PER1: variants seen among roughly 807,000 people sequenced by gnomAD.
The protein encoded by PER1 is period circadian protein homolog 1.
In PER1, 87 loss-of-function variants were observed where a neutral mutation model predicts 125.9. The ratio of observed to expected loss-of-function variants is 0.69; its 90% CI spans 0.58 to 0.83. PER1 has a LOEUF of 0.83. Ranked by LOEUF, PER1 falls within the 40% of genes least tolerant of loss-of-function variation. The probability of loss-of-function intolerance (pLI) is 0.00; values close to 1 mark genes in which losing one functional copy is unlikely to be tolerated. For synonymous variants in PER1, 801 were observed against 714.7 expected (o/e 1.12, Z -1.93); for missense variants, 1,775 against 1,722.8 (o/e 1.03, Z -0.54).
chr17:8,147,034 CA>C (rs1320541526), intron 13 of PER1, 32 bp from the exon 14 acceptor site: 16 of 1,573,804 alleles, frequency 1.0e-5, no homozygotes, highest in Non-Finnish European at 1.4e-5. Flanking sequence ...TGAGCAGAAC[CA>C]GGGGGTGTCG....
rs540225103 is a variant in PER1, at chr17:8,145,084, A to C, written c.2219-91T>G. On this transcript the variant is annotated intron_variant, in intron 17 of 22. Coordinates refer to ENST00000317276, the MANE Select transcript of PER1 (RefSeq NM_002616.3). ...CCCTCCCTGTCTGATAGCCTAGCCA[A>C]CCCCTGGCAGCTCTGCCCCACAGCC... 3.1e-6 allele frequency: 4 copies of C among 1,304,208 alleles called. No individual in the cohort carries two copies. In the Admixed American group the frequency reaches 8.9e-5, roughly 29 times the overall value. The allele number at this position is 1,304,208 out of a possible 1,614,324, so 80.8% of individuals were successfully genotyped here.
chr17:8,148,815 C>T, intron 7 of PER1, 29 bp from the exon 8 acceptor site: 1 of 1,609,612 alleles, frequency 6.2e-7, no homozygotes, highest in Non-Finnish European at 8.5e-7. Flanking sequence ...GCATTAGGGA[C>T]TTTCAACAGA....
chr17:8,141,666 G>A (rs1462170257), intron 22 of PER1, 139 bp downstream of exon 22: 2 of 1,031,412 alleles, frequency 1.9e-6, no homozygotes, highest in Non-Finnish European at 1.4e-6. Context: ...AGGACATCAA[G>A]GAGATCAGCT....
Position 8,148,215 on chromosome 17 carries a change from T to G in PER1, c.1093A>C (p.Thr365Pro), listed in dbSNP as rs761628756. 6.2e-7 allele frequency: 1 copy of G among 1,614,114 alleles called. No individual in the cohort carries two copies. ...PDKRIFTTRH[T>P]PSCLFQDVDE... ...ACATCCTGGAAGAGGCAGCTGGGTGTGTGCCGCGTAGTGAAAATCCTCTTG... is the reference window on the plus strand; with the variant it reads ...ACATCCTGGAAGAGGCAGCTGGGTGGGTGCCGCGTAGTGAAAATCCTCTTG... The change falls in exon 9 of 23, where the codon ACA becomes CCA. Residue 365 changes from threonine (T) to proline (P), a missense_variant. Coordinates refer to ENST00000317276, the MANE Select transcript of PER1 (RefSeq NM_002616.3).
Position 8,147,166 on chromosome 17 carries a change from C to A in PER1, c.1629+84G>T, listed in dbSNP as rs556631982. On this transcript the variant is annotated intron_variant, in intron 13 of 22. Coordinates refer to ENST00000317276, the MANE Select transcript of PER1 (RefSeq NM_002616.3). ...AAGGAGAGGGCAAAGGAGGATCGGG[C>A]AAGACTCTGGGACTGGCAGTGCTGG... 3 of 1,513,896 alleles carry A rather than the reference C, an allele frequency of 2.0e-6. No individual in the cohort carries two copies. The South Asian group carries it at 3.7e-5, about 19-fold the overall frequency. The allele number at this position is 1,513,896 out of a possible 1,614,324, so 93.8% of individuals were successfully genotyped here.
Position 8,143,526 on chromosome 17 carries a change from C to G in PER1, c.2812G>C (p.Ala938Pro), listed in dbSNP as rs771510158. The G allele has an allele frequency of 6.5e-7, 1 of 1,528,712 alleles. No individual in the cohort carries two copies. Among genetic ancestry groups the G allele is most frequent in the Non-Finnish European group, 8.8e-7 (1 of 1,134,524 alleles). The allele number at this position is 1,528,712 out of a possible 1,614,324, so 94.7% of individuals were successfully genotyped here. ...FPTPSSYPYG[A>P]LQTPAEGPPT... ...GGCCCTTCAGCAGGGGTCTGGAGTG[C>G]CCCATAAGGATAGCTGGATGGGGTT... The change falls in exon 19 of 23, where the codon GCA becomes CCA. Residue 938 changes from alanine to proline, a missense_variant. Ala to Pro is a conservative substitution (Grantham distance 27, BLOSUM62 -1). Transcript: ENST00000317276.
intron 18 of PER1, 192 bp downstream of exon 18, chr17:8,144,559 T>G: frequency 1.6e-5 from 11 of 681,646 alleles, no homozygotes; most frequent in Non-Finnish European, 2.5e-5. Flanking sequence ...GCTGCCCTCC[T>G]CTGGCTGCAG....
At position 8,149,882 on chromosome 17, in the gene PER1, G is replaced by A. The variant is rs1982727030; in HGVS notation, c.530-6C>T. 1.9e-6 allele frequency: 3 copies of A among 1,614,030 alleles called. No homozygotes were observed. Among genetic ancestry groups the A allele is most frequent in the Non-Finnish European group, 8.5e-7 (1 of 1,180,042 alleles). The stretch of plus-strand genomic sequence containing the variant: ...CTGGTAGTATTCCTGGTTGGCTGCA[G>A]AGTGGAGGCAGTGAGGCATTCAGTA... On this transcript the variant is annotated splice_region_variant and splice_polypyrimidine_tract_variant and intron_variant, in intron 4 of 22. Coordinates refer to ENST00000317276, the MANE Select transcript of PER1 (RefSeq NM_002616.3).
chr17:8,140,857 T>C lies in PER1; in HGVS notation c.*211A>G. The stretch of plus-strand genomic sequence containing the variant: ...CCAAAGGTGGGAGGTGACACTCCTC[T>C]GGGCTGGGCTGCGGAGTTCTGCTCT... On this transcript the variant is annotated 3_prime_UTR_variant, in exon 23 of 23. Coordinates refer to ENST00000317276, the MANE Select transcript of PER1 (RefSeq NM_002616.3). The C allele has an allele frequency of 3.6e-6, 2 of 562,758 alleles. No individual in the cohort carries two copies. Among genetic ancestry groups the C allele is most frequent in the East Asian group, 2.8e-5 (1 of 35,304 alleles). The allele number at this position is 562,758 out of a possible 1,614,324, so 34.9% of individuals were successfully genotyped here. A position where few individuals can be genotyped will look rare whatever the true frequency, so the allele number is the denominator to read the frequency against.
At position 8,147,339 on chromosome 17, in the gene PER1, C is replaced by T. The variant is rs544592115; in HGVS notation, c.1540G>A (p.Ala514Thr). Residue 514 changes from alanine to threonine, a missense_variant, in exon 13 of 23, where the codon GCC becomes ACC. Transcript: ENST00000317276. The part of the protein sequence containing the change: ...PSPTGLCGVG[A>T]VTSPGPLHSP... ...TGGAGAGGGCCTGGGGATGTCACGGCGCCGACTCCACAGAGTCCCGTGGGG... is the reference window on the plus strand; with the variant it reads ...TGGAGAGGGCCTGGGGATGTCACGGTGCCGACTCCACAGAGTCCCGTGGGG... 2.0e-4 allele frequency: 330 copies of T among 1,613,624 alleles called. 4 individuals are homozygous for T. In the South Asian group the frequency reaches 3.4e-3, roughly 17 times the overall value.
chr17:8,149,652 T>A lies in PER1; in HGVS notation c.663A>T (p.Ser221=), dbSNP rs558561952. 2.5e-6 allele frequency: 4 copies of A among 1,610,042 alleles called. No homozygotes were observed. In the South Asian group the frequency reaches 4.4e-5, roughly 18 times the overall value. ...EYTLQNQDTF[S]VAVSFLTGRI... is the part of the protein sequence containing the mutation. Reference sequence around the variant, plus strand: ...GGCCCGTCAGGAAGGAGACAGCCACTGAGAAGGTATCCTGGCAGGAGGGGG... The same window carrying A: ...GGCCCGTCAGGAAGGAGACAGCCACAGAGAAGGTATCCTGGCAGGAGGGGG... The change falls in exon 6 of 23, where the codon TCA becomes TCT. Residue 221 remains serine, a synonymous_variant. Coordinates refer to ENST00000317276, the MANE Select transcript of PER1 (RefSeq NM_002616.3).
In PER1 at chr17:8,142,299, C is replaced by T. The variant is rs983710159; in HGVS notation, c.3419G>A (p.Arg1140His). The T allele has an allele frequency of 4.4e-6, 7 of 1,606,874 alleles. No individual in the cohort carries two copies. In the Admixed American group the frequency reaches 5.1e-5, roughly 12 times the overall value. ...IWLLMANADQ[R>H]VMMTYQVPSR... ...GGGCACCTGGTAGGTCATCATGACG[C>T]GCTGGTCAGCATTGGCCATGAGCAG... Residue 1140 changes from arginine to histidine, a missense_variant, in exon 21 of 23, where the codon CGC (arginine) becomes CAC (histidine). Arg to His is a conservative substitution (Grantham distance 29). Transcript: ENST00000317276.
rs755431177 is a variant in PER1 at position 8,141,305 on chromosome 17, AG to A, written c.3635del (p.Pro1212LeufsTer91). The A allele has an allele frequency of 6.2e-7, 1 of 1,613,526 alleles. No homozygotes were observed. Among genetic ancestry groups the A allele is most frequent in the Non-Finnish European group, 8.5e-7 (1 of 1,179,740 alleles). On this transcript the variant is annotated frameshift_variant, in exon 23 of 23. Coordinates refer to ENST00000317276, the MANE Select transcript of PER1 (RefSeq NM_002616.3). LOFTEE classifies it high-confidence loss of function. ...AGAAGAGTGGGTCATCAGGGTGACCAGGATCTTGGGTGCTGCTCCCACAGTC... is the reference window on the plus strand; with the variant it reads ...AGAAGAGTGGGTCATCAGGGTGACCAGATCTTGGGTGCTGCTCCCACAGTC... ...CVDCGSSTQD[P>X]GHPDDPLFSE...
intron 1 of PER1, among the ~76,000 whole-genome samples, chr17:8,151,239 C>T (rs3027174): frequency 0.037 from 5,585 of 152,318 alleles, 383 homozygotes; most frequent in African/African-American, 0.13. Flanking sequence ...TATCCGGGGG[C>T]GGTGCCACCC....
At chr17:8,142,156 GAAGA>G (rs1568023075) in intron 21 of PER1, 109 bp downstream of exon 21, 22 of 1,123,648 alleles carry the variant, frequency 2.0e-5, no homozygotes, top group Non-Finnish European at 2.8e-5. Context: ...CAAGGAGCAG[GAAGA>G]AAGATAGAAA....
Position 8,141,018 on chromosome 17 carries a change from AG to A in PER1, c.*49del. On this transcript the variant is annotated 3_prime_UTR_variant, in exon 23 of 23. Coordinates refer to ENST00000317276, the MANE Select transcript of PER1 (RefSeq NM_002616.3). ...ATCTGAGTTCTGAGAATTGGGACAT[AG>A]GAGAAGAAAGCCTCTCATGGACTCC... is the stretch of plus-strand genomic sequence containing the variant. 1 of 1,556,158 alleles carries A rather than the reference AG, an allele frequency of 6.4e-7. No individual in the cohort carries two copies. The highest frequency in any genetic ancestry group is 2.3e-5 in the East Asian group (1 of 44,346).
chr17:8,145,926 C>A, intron 17 of PER1, 32 bp downstream of exon 17: 1 of 1,562,412 alleles, frequency 6.4e-7, no homozygotes, highest in South Asian at 1.2e-5. Flanking sequence ...CCGGTGGAGC[C>A]CAAGCACTGC....
At position 8,150,416 on chromosome 17, in the gene PER1, A is replaced by C; in HGVS notation, c.275+16T>G. On this transcript the variant is annotated intron_variant, in intron 2 of 22. Transcript: ENST00000317276. ...ACAAGACCATTCCTAGACCCAACAT[A>C]CACATCCATACACACCTCTTGCTGC... 1 of 1,595,190 alleles carries C rather than the reference A, an allele frequency of 6.3e-7. No individual in the cohort carries two copies. Among genetic ancestry groups the C allele is most frequent in the Non-Finnish European group, 8.6e-7 (1 of 1,169,054 alleles).
rs1386912826 is a variant in PER1 at position 8,147,471 on chromosome 17, T to TGCA, written c.1493_1495dup (p.Leu498dup). ...AGGCTCCCTCTCCGCTACTCTCACC[T>TGCA]GCAGCAGCAGCCGGTGGATCTGCTC... On this transcript the variant is annotated inframe_insertion and splice_region_variant, in exon 12 of 23. Coordinates refer to ENST00000317276, the MANE Select transcript of PER1 (RefSeq NM_002616.3). The TGCA allele has an allele frequency of 1.9e-6, 3 of 1,613,438 alleles. No individual in the cohort carries two copies. The highest frequency in any genetic ancestry group is 2.2e-5 in the East Asian group (1 of 44,888).
Sources: gnomAD v4.1 joint callset for allele counts (sites outside exome capture counted in the v4.1 genomes callset) on GRCh38, gnomAD v4.1.1 for gene constraint, MANE v1.5 for transcripts, NCBI Gene and HGNC (gene_info 2026-07-23, HGNC 2026-07-21) for gene names.